The following SH3KBP1 variants were observed in gnomAD, a reference collection of about 807,000 sequenced individuals.
SH3KBP1 encodes SH3 domain-containing kinase-binding protein 1.
In SH3KBP1, 8 loss-of-function variants were observed where a neutral mutation model predicts 50.1. That is an observed-to-expected ratio of 0.16 (90% CI 0.09 to 0.29). SH3KBP1 has a LOEUF of 0.29. Among genes scored for constraint, SH3KBP1 ranks in the 10% least tolerant of loss-of-function variants. The probability of loss-of-function intolerance (pLI) is 1.00; values close to 1 mark genes in which losing one functional copy is unlikely to be tolerated. For synonymous variants in SH3KBP1, 227 were observed against 218.6 expected (o/e 1.04, Z -0.34); for missense variants, 377 against 535.2 (o/e 0.70, Z 2.92).
At chrX:19,585,024 C>T (rs773452109) in intron 12 of SH3KBP1, among the ~76,000 whole-genome samples, 7 of 112,425 alleles carry the variant, frequency 6.2e-5, no homozygotes, top group Non-Finnish European at 1.3e-4. Flanking sequence ...CCTCCACTAA[C>T]TTGGCAGAAG....
chrX:19,652,952 G>A (rs1402545164), intron 6 of SH3KBP1, among the ~76,000 whole-genome samples: 1 of 111,630 alleles, frequency 9.0e-6, no homozygotes, highest in African/African-American at 3.3e-5. Flanking sequence ...ACCATCATGG[G>A]GACTACTTCA....
chrX:19,657,668 C>T (rs1417249910), intron 6 of SH3KBP1, among the ~76,000 whole-genome samples: 1 of 109,091 alleles, frequency 9.2e-6, no homozygotes. Context: ...GCGGAGGTTG[C>T]AGTGAGTCGA....
intron 8 of SH3KBP1, among the ~76,000 whole-genome samples, chrX:19,620,409 CTTCTT>C: frequency 8.9e-6 from 1 of 112,660 alleles, no homozygotes; most frequent in Non-Finnish European, 1.9e-5. Flanking sequence ...CAAATCCACA[CTTCTT>C]TTAAGAAATT....
At position 19,586,747 on chromosome X, in the gene SH3KBP1, G is replaced by A. The variant is rs748471542; in HGVS notation, c.1298+1896C>T. On this transcript the variant is annotated intron_variant, in intron 12 of 17. Coordinates refer to ENST00000397821, the MANE Select transcript of SH3KBP1 (RefSeq NM_031892.3). The stretch of plus-strand genomic sequence containing the variant: ...AGCTGCTACTTGAATGGGCTCACAC[G>A]CACCTGAGATGACCACAGCTCTGTA... Among the ~76,000 whole-genome samples the A allele has an allele frequency of 1.9e-4, 21 of 111,815 alleles. No individual in the cohort carries two copies. In the East Asian group the frequency reaches 5.4e-3, roughly 29 times the overall value.
intron 6 of SH3KBP1, among the ~76,000 whole-genome samples, chrX:19,682,294 G>T (rs1210699673): frequency 2.8e-5 from 3 of 105,667 alleles, no homozygotes; most frequent in African/African-American, 1.1e-4. Context: ...ATTTATTATT[G>T]GCAGCTAAAA....
At chrX:19,706,821 G>A in intron 4 of SH3KBP1, 60 bp downstream of exon 4, 1 of 921,326 alleles carries the variant, frequency 1.1e-6, no homozygotes, top group Non-Finnish European at 1.6e-6. Context: ...TCATGGGTGG[G>A]TAAGCAGTGA....
intron 1 of SH3KBP1, among the ~76,000 whole-genome samples, chrX:19,837,204 A>G (rs944684880): frequency 8.9e-6 from 1 of 112,114 alleles, no homozygotes; most frequent in African/African-American, 3.2e-5. Flanking sequence ...CAGACCGCCT[A>G]CATCAGAACC....
intron 2 of SH3KBP1, among the ~76,000 whole-genome samples, chrX:19,790,359 G>A (rs763125343): frequency 1.3e-4 from 14 of 111,593 alleles, no homozygotes; most frequent in Non-Finnish European, 2.6e-4. Context: ...TCTGAAGACT[G>A]AGATGACAGA....
intron 3 of SH3KBP1, among the ~76,000 whole-genome samples, chrX:19,741,456 G>A (rs2064766371): frequency 8.9e-6 from 1 of 112,644 alleles, no homozygotes; most frequent in African/African-American, 3.2e-5. Context: ...TGCCAAAGTA[G>A]CAGAGCGACT....
chrX:19,548,088 ACCT>A (rs1202740732), intron 14 of SH3KBP1, among the ~76,000 whole-genome samples: 6 of 112,630 alleles, frequency 5.3e-5, no homozygotes, highest in Admixed American at 2.8e-4. Context: ...TATCTTTGGT[ACCT>A]GGCACAGTGC....
At chrX:19,654,098 A>G (rs967188991) in intron 6 of SH3KBP1, among the ~76,000 whole-genome samples, 1 of 111,684 alleles carries the variant, frequency 9.0e-6, no homozygotes, top group African/African-American at 3.3e-5. Context: ...ATATTTGTAT[A>G]TTAGACATAC....
At chrX:19,707,718 A>G (rs775161101) in intron 3 of SH3KBP1, among the ~76,000 whole-genome samples, 4 of 112,540 alleles carry the variant, frequency 3.6e-5, no homozygotes, top group African/African-American at 1.3e-4. Flanking sequence ...AGCATGTCCT[A>G]TCTGGGAGAC....
At chrX:19,774,412 C>A (rs190782798) in intron 2 of SH3KBP1, among the ~76,000 whole-genome samples, 128 of 110,868 alleles carry the variant, frequency 1.2e-3, no homozygotes, top group African/African-American at 4.0e-3. Context: ...TGGCTCACAC[C>A]TTTAATCCCA....
chrX:19,626,333 T>A (rs2068017811), intron 8 of SH3KBP1, among the ~76,000 whole-genome samples: 1 of 111,615 alleles, frequency 9.0e-6, no homozygotes, highest in Non-Finnish European at 1.9e-5. Flanking sequence ...CTTACCATTG[T>A]ATTCCAGCAT....
intron 3 of SH3KBP1, among the ~76,000 whole-genome samples, chrX:19,739,444 A>C: frequency 8.9e-6 from 1 of 112,061 alleles, no homozygotes; most frequent in East Asian, 2.8e-4. Context: ...GTGAAGAAGA[A>C]GTAGATAAGG....
rs1406855485 is a variant in SH3KBP1, at chrX:19,746,556, T to C, written c.163-115A>G. ...GAACTATAGCAATGCCAACTTAGCA[T>C]AACATCATGTTTTAAAAACACCATT... On this transcript the variant is annotated intron_variant, in intron 2 of 17. Coordinates refer to ENST00000397821, the MANE Select transcript of SH3KBP1 (RefSeq NM_031892.3). 8.7e-6 allele frequency: 6 copies of C among 685,916 alleles called. No homozygotes were observed. In the African/African-American group the frequency reaches 1.1e-4, roughly 13 times the overall value. The allele number at this position is 685,916 out of a possible 1,213,427, so 56.5% of individuals were successfully genotyped here.
rs1384322590 is a variant in SH3KBP1, at chrX:19,788,283, AAAC to A, written c.163-41845_163-41843del. On this transcript the variant is annotated intron_variant, in intron 2 of 17. Transcript: ENST00000397821. ...GATTCTATCTCCAAAAAAAAAAAAA[AAAC>A]AAAAAAAAAAAACACAAAAATGAAG... Among the ~76,000 whole-genome samples, 83 of 91,482 alleles carry A rather than the reference AAAC, an allele frequency of 9.1e-4. 1 individual carries two copies. The highest frequency in any genetic ancestry group is 1.3e-3 in the Non-Finnish European group (56 of 43,257). 79.4% of individuals were successfully genotyped at this position (91,482 alleles called of 115,157 possible).
intron 13 of SH3KBP1, among the ~76,000 whole-genome samples, chrX:19,554,032 ATATATAATATATATTAAAATATAT>A (rs1569278018): frequency 3.1e-5 from 2 of 64,090 alleles, no homozygotes; most frequent in Non-Finnish European, 2.4e-5. Context: ...TTAAAATATA[ATATATAATATATATTAAAATATAT>A]TATATATATT....
chrX:19,598,858 A>G (rs1436591657), intron 9 of SH3KBP1, among the ~76,000 whole-genome samples: 1 of 112,020 alleles, frequency 8.9e-6, no homozygotes, highest in Non-Finnish European at 1.9e-5. Context: ...AGGTATAATA[A>G]TAATAAAAAA....
Sources: gnomAD v4.1 joint callset for allele counts (sites outside exome capture counted in the v4.1 genomes callset) on GRCh38, gnomAD v4.1.1 for gene constraint, MANE v1.5 for transcripts, NCBI Gene and HGNC (gene_info 2026-07-23, HGNC 2026-07-21) for gene names.